Variants in NKD1 observed in about 807,000 individuals in gnomAD.
The protein encoded by NKD1 is protein naked cuticle homolog 1.
Under a neutral mutation model 56.0 loss-of-function variants are expected in NKD1, and 21 were observed. The ratio of observed to expected loss-of-function variants is 0.38; its 90% CI spans 0.27 to 0.54. The LOEUF (loss-of-function observed/expected upper bound fraction) is 0.54, where lower values mean the gene tolerates loss of function less well. Ranked by LOEUF, NKD1 falls within the 20% of genes least tolerant of loss-of-function variation. The pLI is 0.82. For synonymous variants in NKD1, 263 were observed against 265.7 expected (o/e 0.99, Z 0.10); for missense variants, 578 against 642.7 (o/e 0.90, Z 1.09).
At chr16:50,599,865 G>A (rs1041712955) in intron 3 of NKD1, among the ~76,000 whole-genome samples, 4 of 152,216 alleles carry the variant, frequency 2.6e-5, no homozygotes, top group African/African-American at 4.8e-5. Context: ...TCTGGGTGAT[G>A]TCAAGATTTA....
Position 50,630,314 on chromosome 16 carries a change from C to A in NKD1, c.591C>A (p.Ser197Arg). The stretch of plus-strand genomic sequence containing the variant: ...CCGATGGCAGCCAGAGCAAGAGGAG[C>A]GTCCTTGTCAATCAGGCTGGTGAGG... ...VAPDGSQSKR[S>R]VLVNQADLQS... The change falls in exon 7 of 10, where the codon AGC becomes AGA. Residue 197 changes from serine to arginine, a missense_variant. Transcript: ENST00000268459. 6.2e-7 allele frequency: 1 copy of A among 1,614,130 alleles called. No homozygotes were observed. The highest frequency in any genetic ancestry group is 8.5e-7 in the Non-Finnish European group (1 of 1,180,012).
chr16:50,590,664 A>T (rs992455946), intron 3 of NKD1, among the ~76,000 whole-genome samples: 1 of 152,230 alleles, frequency 6.6e-6, no homozygotes, highest in Non-Finnish European at 1.5e-5. Context: ...GAAGTTTATT[A>T]GTTTGCCCAG....
chr16:50,630,904 C>T lies in NKD1; in HGVS notation c.689C>T (p.Pro230Leu), dbSNP rs200257763. 4.3e-5 allele frequency: 68 copies of T among 1,589,360 alleles called. No homozygotes were observed. Among genetic ancestry groups the T allele is most frequent in the African/African-American group, 1.2e-4 (9 of 74,560 alleles). The stretch of plus-strand genomic sequence containing the variant: ...AGCTGGGAGAAGAAGCAGCGAGCCC[C>T]GCTCAGGTATGTGGGCATGGTGCAC... ...LRSWEKKQRA[P>L]LRFQGDSRLE... The change falls in exon 8 of 10, where the codon CCG becomes CTG. Residue 230 changes from proline to leucine, a missense_variant. Transcript: ENST00000268459.
intron 3 of NKD1, among the ~76,000 whole-genome samples, chr16:50,560,298 C>G (rs920212925): frequency 6.6e-6 from 1 of 152,210 alleles, no homozygotes; most frequent in East Asian, 1.9e-4. Flanking sequence ...TCAGTGTGCC[C>G]GCGAGCTGCC....
chr16:50,593,586 C>G (rs1289063264), intron 3 of NKD1, among the ~76,000 whole-genome samples: 1 of 152,182 alleles, frequency 6.6e-6, no homozygotes, highest in Non-Finnish European at 1.5e-5. Flanking sequence ...GTCCCCATGG[C>G]TGGCGTGGTG....
chr16:50,631,381 C>T (rs1596760426), intron 8 of NKD1, among the ~76,000 whole-genome samples: 2 of 152,204 alleles, frequency 1.3e-5, no homozygotes, highest in African/African-American at 4.8e-5. Flanking sequence ...ACTTCTTCAG[C>T]TGCAAGGGAG....
intron 3 of NKD1, among the ~76,000 whole-genome samples, chr16:50,552,902 G>A (rs1567332300): frequency 6.6e-6 from 1 of 152,246 alleles, no homozygotes; most frequent in Non-Finnish European, 1.5e-5. Context: ...CAAGGGCTGG[G>A]CTTTTGCCCT....
chr16:50,579,797 A>G (rs1192111692), intron 3 of NKD1, among the ~76,000 whole-genome samples: 1 of 152,162 alleles, frequency 6.6e-6, no homozygotes, highest in East Asian at 1.9e-4. Context: ...CCCGCCACAC[A>G]TGCACTGTCT....
At position 50,635,975 on chromosome 16, in the gene NKD1, C is replaced by T. The variant is rs191533721; in HGVS notation, c.*2194C>T. 1 of 152,258 alleles carries T rather than the reference C, an allele frequency of 6.6e-6. No homozygotes were observed. Among genetic ancestry groups the T allele is most frequent in the African/African-American group, 2.4e-5 (1 of 41,458 alleles). The allele number at this position is 152,258 out of a possible 1,614,324, so 9.4% of individuals were successfully genotyped here. A position where few individuals can be genotyped will look rare whatever the true frequency, so the allele number is the denominator to read the frequency against. ...TCCCTCTTGTCCCTCGGATTGATAA[C>T]TTGTACTCAACTACATGCTTTTGTC... On this transcript the variant is annotated 3_prime_UTR_variant, in exon 10 of 10. Coordinates refer to ENST00000268459, the MANE Select transcript of NKD1 (RefSeq NM_033119.5). This position sits in a 1 kb window ranked among gnomAD's most constrained non-coding sequence, Gnocchi z 4.1.
At chr16:50,626,568 C>T (rs1168053588) in intron 6 of NKD1, among the ~76,000 whole-genome samples, 3 of 152,108 alleles carry the variant, frequency 2.0e-5, no homozygotes, top group Non-Finnish European at 4.4e-5. Context: ...AGGAGGTGGC[C>T]GTGGTGGCCA....
At chr16:50,574,240 C>G in intron 3 of NKD1, 3 of 985,384 alleles carry the variant, frequency 3.0e-6, no homozygotes, top group Non-Finnish European at 3.6e-6. Flanking sequence ...GGGTATACCT[C>G]CCTTGTCTTG....
At chr16:50,558,355 C>G (rs1960547443) in intron 3 of NKD1, 1 of 152,112 alleles carries the variant, frequency 6.6e-6, no homozygotes. Flanking sequence ...AACATTGTGC[C>G]TAATACTTTC....
chr16:50,575,103 T>C (rs1960965058), intron 3 of NKD1: 1 of 985,152 alleles, frequency 1.0e-6, no homozygotes, highest in Admixed American at 6.2e-5. Flanking sequence ...GTGTTTTTTT[T>C]TTTTTTCCTT....
At chr16:50,561,501 T>G (rs1960632678) in intron 3 of NKD1, among the ~76,000 whole-genome samples, 1 of 152,088 alleles carries the variant, frequency 6.6e-6, no homozygotes, top group Admixed American at 6.5e-5. Flanking sequence ...TGTGGCTCCA[T>G]GTAGCACAGT....
Position 50,630,817 on chromosome 16 carries a change from C to T in NKD1, c.611-9C>T, listed in dbSNP as rs377360587. On this transcript the variant is annotated splice_polypyrimidine_tract_variant and intron_variant, in intron 7 of 9. Coordinates refer to ENST00000268459, the MANE Select transcript of NKD1 (RefSeq NM_033119.5). ...CTGGTGTCTCCTGTGCTTCTCGGGC[C>T]GGACTCAGACCTGCAGAGCGCAAGG... 2.0e-4 allele frequency: 320 copies of T among 1,586,608 alleles called. No homozygotes were observed. The African/African-American group carries it at 3.0e-3, about 15-fold the overall frequency.
chr16:50,604,405 C>A (rs1013081994), intron 3 of NKD1, among the ~76,000 whole-genome samples: 2 of 152,134 alleles, frequency 1.3e-5, no homozygotes, highest in South Asian at 4.1e-4. Flanking sequence ...TGGGGTCTGG[C>A]GAGTCTCTCG....
intron 3 of NKD1, among the ~76,000 whole-genome samples, chr16:50,604,444 T>C (rs1961662126): frequency 6.6e-6 from 1 of 152,164 alleles, no homozygotes; most frequent in Non-Finnish European, 1.5e-5. Flanking sequence ...CTGGTCACCA[T>C]ACAATAACAA....
At chr16:50,621,761 C>G in intron 5 of NKD1, 53 bp downstream of exon 5, 1 of 1,380,926 alleles carries the variant, frequency 7.2e-7, no homozygotes, top group Non-Finnish European at 1.0e-6. Flanking sequence ...GTTTTCTCAG[C>G]TTGGGGCTTT....
chr16:50,596,209 A>G (rs989123482), intron 3 of NKD1, among the ~76,000 whole-genome samples: 2 of 152,128 alleles, frequency 1.3e-5, no homozygotes, highest in Non-Finnish European at 1.5e-5. Context: ...TGGGTGGACC[A>G]AAGTCTGGAG....
Sources: allele counts gnomAD v4.1 joint callset (sites outside exome capture counted in the v4.1 genomes callset), GRCh38; gene constraint gnomAD v4.1.1; non-coding constraint Gnocchi (gnomAD v3.1); transcripts MANE v1.5; gene names NCBI Gene and HGNC (gene_info 2026-07-23, HGNC 2026-07-21).